Variants in MALRD1 observed in about 807,000 individuals in gnomAD.
MALRD1 encodes the protein MAM and LDL-receptor class A domain-containing protein 1.
A neutral mutation model predicts 242.1 loss-of-function variants in MALRD1; 247 were observed. The observed-to-expected ratio is 1.02, with a 90% confidence interval of 0.92 to 1.13. The LOEUF (loss-of-function observed/expected upper bound fraction) is 1.13, where lower values mean the gene tolerates loss of function less well. MALRD1 is among the 50% of genes most tolerant of loss of function. MALRD1 has a pLI of 0.00. For synonymous variants in MALRD1, 995 were observed against 866.6 expected (o/e 1.15, Z -2.60); for missense variants, 2,989 against 2,533.1 (o/e 1.18, Z -3.86).
chr10:19,133,025 G>A (rs545714697), intron 8 of MALRD1, among the ~76,000 whole-genome samples: 12 of 152,054 alleles, frequency 7.9e-5, no homozygotes, highest in Admixed American at 6.6e-4. Flanking sequence ...TGCAACCTGC[G>A]CCTCCCAGGT....
rs552948683 is a variant in MALRD1 at position 19,306,377 on chromosome 10, G to A, written c.3420-17572G>A. Among the ~76,000 whole-genome samples the A allele has an allele frequency of 1.3e-4, 13 of 99,032 alleles. 1 individual carries two copies. Among genetic ancestry groups the A allele is most frequent in the South Asian group, 3.4e-4 (1 of 2,944 alleles). The allele number at this position is 99,032 out of a possible 152,430, so 65.0% of individuals were successfully genotyped here. ...GTATATATAGTGTCGTATATATACC[G>A]TGTATAGTATATATAGTGTCGTATA... On this transcript the variant is annotated intron_variant, in intron 21 of 39. Coordinates refer to ENST00000454679, the MANE Select transcript of MALRD1 (RefSeq NM_001142308.3).
At chr10:19,362,938 A>C (rs1421685948) in intron 26 of MALRD1, among the ~76,000 whole-genome samples, 1 of 152,056 alleles carries the variant, frequency 6.6e-6, no homozygotes, top group Non-Finnish European at 1.5e-5. Context: ...AAGAGGAATT[A>C]AGAGAGATTT....
At chr10:19,331,322 T>A in intron 23 of MALRD1, 47 bp from the exon 24 acceptor site, 1 of 1,451,226 alleles carries the variant, frequency 6.9e-7, no homozygotes, top group Non-Finnish European at 9.5e-7. Flanking sequence ...GCCCAGGTTT[T>A]GAACTTCTTG....
intron 12 of MALRD1, among the ~76,000 whole-genome samples, chr10:19,158,582 T>C (rs7894523): frequency 0.2 from 30,368 of 152,194 alleles, 3,614 homozygotes; most frequent in Non-Finnish European, 0.27. Flanking sequence ...CTTCTGAGAC[T>C]TCTCCCAAGT....
At chr10:19,628,138 C>T (rs1211834054) in intron 36 of MALRD1, among the ~76,000 whole-genome samples, 3 of 152,004 alleles carry the variant, frequency 2.0e-5, no homozygotes, top group Non-Finnish European at 2.9e-5. Context: ...TGGTAATATC[C>T]ATTATTTATG....
At chr10:19,228,816 A>G (rs1229408720) in intron 18 of MALRD1, among the ~76,000 whole-genome samples, 2 of 152,120 alleles carry the variant, frequency 1.3e-5, no homozygotes, top group African/African-American at 4.8e-5. Flanking sequence ...TTTTTTTACT[A>G]TAAAGGATAT....
At chr10:19,117,094 C>CAAAA (rs35620225) in intron 5 of MALRD1, among the ~76,000 whole-genome samples, 2 of 70,912 alleles carry the variant, frequency 2.8e-5, no homozygotes, top group South Asian at 4.1e-4. Context: ...GACTCTGTCT[C>CAAAA]AAAAAAAAAA....
At chr10:19,146,026 C>G (rs188938085) in intron 10 of MALRD1, among the ~76,000 whole-genome samples, 172 bp from the exon 11 acceptor site, 66 of 152,250 alleles carry the variant, frequency 4.3e-4, no homozygotes, top group African/African-American at 1.5e-3. Flanking sequence ...CACACAGCAC[C>G]TGAGATATTG....
intron 28 of MALRD1, among the ~76,000 whole-genome samples, chr10:19,420,734 A>G (rs1476809182): frequency 6.6e-6 from 1 of 152,186 alleles, no homozygotes; most frequent in Non-Finnish European, 1.5e-5. Flanking sequence ...GTAAAATTTA[A>G]AAAATGCATT....
At chr10:19,303,446 G>A (rs1842035525) in intron 21 of MALRD1, among the ~76,000 whole-genome samples, 1 of 151,658 alleles carries the variant, frequency 6.6e-6, no homozygotes, top group Non-Finnish European at 1.5e-5. Context: ...AATGGAAATG[G>A]GAGATGTTAA....
intron 26 of MALRD1, among the ~76,000 whole-genome samples, chr10:19,359,770 AT>A (rs35362193): frequency 0.62 from 93,614 of 150,656 alleles, 29,343 homozygotes; most frequent in African/African-American, 0.7. Context: ...GAAAAAAAAA[AT>A]AATTAAAGAA....
At chr10:19,219,489 T>G (rs1837467664) in intron 18 of MALRD1, among the ~76,000 whole-genome samples, 1 of 152,100 alleles carries the variant, frequency 6.6e-6, no homozygotes, top group African/African-American at 2.4e-5. Context: ...CAGACTGGAG[T>G]TCAGCGCCAT....
At chr10:19,588,007 A>T (rs956639494) in intron 33 of MALRD1, among the ~76,000 whole-genome samples, 1 of 151,818 alleles carries the variant, frequency 6.6e-6, no homozygotes, top group Non-Finnish European at 1.5e-5. Flanking sequence ...ATATACATGT[A>T]TATACAACAT....
intron 36 of MALRD1, among the ~76,000 whole-genome samples, chr10:19,646,376 G>A (rs181881625): frequency 6.6e-6 from 1 of 152,286 alleles, no homozygotes; most frequent in Non-Finnish European, 1.5e-5. Context: ...GGCCGAGGGG[G>A]GCAGATCACC....
chr10:19,331,890 C>T (rs115403062), intron 24 of MALRD1, among the ~76,000 whole-genome samples: 2,590 of 152,154 alleles, frequency 0.017, 65 homozygotes, highest in African/African-American at 0.051. Flanking sequence ...TTTTTTGAGA[C>T]GGAATCTCAC....
chr10:19,709,243 TAAAAAAA>T (rs557818453), intron 38 of MALRD1, among the ~76,000 whole-genome samples: 5 of 105,950 alleles, frequency 4.7e-5, no homozygotes, highest in East Asian at 2.9e-4. Context: ...CCGTCTGTAC[TAAAAAAA>T]AAAAAAAAAA....
chr10:19,237,849 A>T (rs1324099536), intron 18 of MALRD1, among the ~76,000 whole-genome samples: 2 of 126,132 alleles, frequency 1.6e-5, no homozygotes, highest in Non-Finnish European at 3.1e-5. Context: ...ATATAATTAT[A>T]TAGTTATATA....
At chr10:19,661,417 A>C (rs886652381) in intron 36 of MALRD1, among the ~76,000 whole-genome samples, 4 of 152,234 alleles carry the variant, frequency 2.6e-5, no homozygotes, top group African/African-American at 9.6e-5. Context: ...TGGATTAAGA[A>C]AATGTGGCAC....
At chr10:19,584,233 G>A (rs1837278940) in intron 33 of MALRD1, among the ~76,000 whole-genome samples, 1 of 151,932 alleles carries the variant, frequency 6.6e-6, no homozygotes, top group African/African-American at 2.4e-5. Flanking sequence ...CTTCAGTTCT[G>A]CTCTGATTTT....
Sources: gnomAD v4.1 joint callset for allele counts (sites outside exome capture counted in the v4.1 genomes callset) on GRCh38, gnomAD v4.1.1 for gene constraint, MANE v1.5 for transcripts, NCBI Gene and HGNC (gene_info 2026-07-23, HGNC 2026-07-21) for gene names.